The following LRRC4C variants were observed in gnomAD, a reference collection of about 807,000 sequenced individuals.
The protein encoded by LRRC4C is leucine rich repeat containing 4C, also known as leucine-rich repeat-containing protein 4C.
A neutral mutation model predicts 33.6 loss-of-function variants in LRRC4C; 5 were observed. That is an observed-to-expected ratio of 0.15 (90% confidence interval 0.08 to 0.31). LRRC4C has a LOEUF of 0.31. Among genes scored for constraint, LRRC4C ranks in the 10% least tolerant of loss-of-function variants. LRRC4C has a pLI of 1.00. For missense variants in LRRC4C, 560 were observed against 796.7 expected (o/e 0.70, Z 3.58); for synonymous variants, 329 against 302.0 (o/e 1.09, Z -0.93).
chr11:40,496,850 G>A (rs1179736128), intron 3 of LRRC4C, among the ~76,000 whole-genome samples: 1 of 152,136 alleles, frequency 6.6e-6, no homozygotes, highest in African/African-American at 2.4e-5. Context: ...TGTCTTGAAT[G>A]TACTAGAAGA....
intron 2 of LRRC4C, among the ~76,000 whole-genome samples, chr11:40,745,014 A>T (rs546626548): frequency 6.6e-6 from 1 of 152,314 alleles, no homozygotes; most frequent in South Asian, 2.1e-4. Flanking sequence ...AAATTAAGGC[A>T]TTGCATAAAA....
At chr11:40,911,387 C>T (rs1364553220) in intron 2 of LRRC4C, among the ~76,000 whole-genome samples, 3 of 152,160 alleles carry the variant, frequency 2.0e-5, no homozygotes, top group Non-Finnish European at 2.9e-5. Context: ...TTGCTGTTCA[C>T]CAATATCCGC....
intron 2 of LRRC4C, among the ~76,000 whole-genome samples, chr11:40,744,141 A>T (rs149387280): frequency 2.4e-3 from 358 of 152,258 alleles, no homozygotes; most frequent in Non-Finnish European, 4.0e-3. Flanking sequence ...CACAACAGAT[A>T]ATGTTCTGGC....
chr11:41,274,002 A>G (rs1269940826), intron 1 of LRRC4C, among the ~76,000 whole-genome samples: 1 of 152,128 alleles, frequency 6.6e-6, no homozygotes, highest in Non-Finnish European at 1.5e-5. Flanking sequence ...AAAAGTGAGG[A>G]AGCAAGGCCT....
At chr11:41,021,405 C>CA (rs1164132802) in intron 1 of LRRC4C, among the ~76,000 whole-genome samples, 29 of 151,654 alleles carry the variant, frequency 1.9e-4, no homozygotes, top group African/African-American at 6.8e-4. Flanking sequence ...ACAAAATTAA[C>CA]AAAAAACCCT....
rs536764655 is a variant in LRRC4C, at chr11:40,643,698, C to G, written c.-270+4444G>C. Among the ~76,000 whole-genome samples, 6 of 152,230 alleles carry G rather than the reference C, an allele frequency of 3.9e-5. No homozygotes were observed. The South Asian group carries it at 1.2e-3, about 32-fold the overall frequency. On this transcript the variant is annotated intron_variant, in intron 3 of 6. Coordinates refer to ENST00000528697, the MANE Select transcript of LRRC4C (RefSeq NM_001258419.2). Reference sequence around the variant, plus strand: ...ACAAGTCATTCCTATTCCTCCCAGCCAGGGAGGTATCAATGGAAGTCTAAT... The same window carrying G: ...ACAAGTCATTCCTATTCCTCCCAGCGAGGGAGGTATCAATGGAAGTCTAAT...
intron 1 of LRRC4C, among the ~76,000 whole-genome samples, chr11:41,451,992 C>T (rs1278644734): frequency 1.3e-5 from 2 of 152,026 alleles, no homozygotes. Context: ...TAATCATTTG[C>T]TTGTTTTCAG....
chr11:40,380,625 G>T (rs1168437987), intron 3 of LRRC4C, among the ~76,000 whole-genome samples: 2 of 152,120 alleles, frequency 1.3e-5, no homozygotes, highest in East Asian at 3.9e-4. Context: ...GCTTGTTGGT[G>T]AGATTCATGA....
chr11:40,181,663 G>A (rs1861012863), intron 5 of LRRC4C, among the ~76,000 whole-genome samples: 1 of 152,234 alleles, frequency 6.6e-6, no homozygotes, highest in African/African-American at 2.4e-5. Flanking sequence ...GACAGCAACA[G>A]AGCAAGATAA....
chr11:40,325,185 A>G (rs1051263840), intron 3 of LRRC4C, among the ~76,000 whole-genome samples: 1 of 152,324 alleles, frequency 6.6e-6, no homozygotes, highest in South Asian at 2.1e-4. Context: ...TATTCACGCC[A>G]TTTCCTAACA....
intron 5 of LRRC4C, among the ~76,000 whole-genome samples, chr11:40,219,646 T>A (rs1311670521): frequency 1.3e-5 from 2 of 151,628 alleles, no homozygotes; most frequent in African/African-American, 4.9e-5. Flanking sequence ...CAGAAAATGT[T>A]GCACAATCTC....
chr11:41,005,853 C>G (rs1854713657), intron 1 of LRRC4C, among the ~76,000 whole-genome samples: 1 of 152,140 alleles, frequency 6.6e-6, no homozygotes, highest in Non-Finnish European at 1.5e-5. Context: ...CACAAACAGA[C>G]TAACACAGAT....
intron 5 of LRRC4C, among the ~76,000 whole-genome samples, chr11:40,220,541 G>A (rs1163460749): frequency 6.6e-6 from 1 of 152,082 alleles, no homozygotes; most frequent in Non-Finnish European, 1.5e-5. Flanking sequence ...TCTGAAGTTT[G>A]AATTCATTAC....
chr11:40,290,314 A>G (rs74975120), intron 4 of LRRC4C, among the ~76,000 whole-genome samples: 2,658 of 152,320 alleles, frequency 0.017, 41 homozygotes, highest in Middle Eastern at 0.037. Flanking sequence ...AAAAGTGCAG[A>G]GAACTATGAA....
At chr11:40,891,769 T>C (rs1187506489) in intron 2 of LRRC4C, among the ~76,000 whole-genome samples, 1 of 152,108 alleles carries the variant, frequency 6.6e-6, no homozygotes, top group East Asian at 1.9e-4. Flanking sequence ...GGTGAATATG[T>C]GGAGAAAGGG....
At chr11:40,557,493 A>G (rs1410615375) in intron 3 of LRRC4C, among the ~76,000 whole-genome samples, 3 of 152,220 alleles carry the variant, frequency 2.0e-5, no homozygotes, top group African/African-American at 7.2e-5. Context: ...GATTATCTTT[A>G]TGATTAGAAA....
At chr11:40,727,563 T>G (rs1591562735) in intron 2 of LRRC4C, among the ~76,000 whole-genome samples, 1 of 152,182 alleles carries the variant, frequency 6.6e-6, no homozygotes, top group South Asian at 2.1e-4. Context: ...TGGAGCCTAA[T>G]TAAACTAACG....
chr11:41,086,637 TTTCTTTGTGCTTTC>T (rs1940008541), intron 1 of LRRC4C, among the ~76,000 whole-genome samples: 1 of 152,162 alleles, frequency 6.6e-6, no homozygotes. Flanking sequence ...TTAAATTTCT[TTTCTTTGTGCTTTC>T]TTACAGGCAT....
At chr11:41,247,011 G>A (rs1345784324) in intron 1 of LRRC4C, among the ~76,000 whole-genome samples, 2 of 152,224 alleles carry the variant, frequency 1.3e-5, no homozygotes, top group Admixed American at 6.5e-5. Context: ...ACCGGGTGAA[G>A]GTAGGTCACC....
Sources: allele counts gnomAD v4.1 joint callset (sites outside exome capture counted in the v4.1 genomes callset), GRCh38; gene constraint gnomAD v4.1.1; transcripts MANE v1.5; gene names NCBI Gene and HGNC (gene_info 2026-07-23, HGNC 2026-07-21).